KCNIP4: variants seen among roughly 807,000 people sequenced by gnomAD.
KCNIP4 encodes the protein Kv channel-interacting protein 4.
Under a neutral mutation model 34.0 loss-of-function variants are expected in KCNIP4, and 12 were observed. The ratio of observed to expected loss-of-function variants is 0.35; its 90% CI spans 0.23 to 0.57. KCNIP4 has a LOEUF of 0.57. KCNIP4 is among the 20% of genes least tolerant of loss of function. The probability of loss-of-function intolerance (pLI) is 0.83; values close to 1 mark genes in which losing one functional copy is unlikely to be tolerated. For synonymous variants in KCNIP4, 124 were observed against 102.2 expected (o/e 1.21, Z -1.29); for missense variants, 238 against 311.7 (o/e 0.76, Z 1.78).
intron 1 of KCNIP4, among the ~76,000 whole-genome samples, chr4:20,934,435 C>T (rs946651997): frequency 1.3e-5 from 2 of 152,036 alleles, no homozygotes; most frequent in Non-Finnish European, 2.9e-5. Context: ...GAATTTCTCC[C>T]CTCTCTTGAT....
chr4:21,327,899 C>G (rs1286296117), intron 1 of KCNIP4, among the ~76,000 whole-genome samples: 1 of 151,802 alleles, frequency 6.6e-6, no homozygotes, highest in African/African-American at 2.4e-5. Context: ...CTGCTTGATT[C>G]TAGTTAATTA....
At chr4:21,042,329 T>C (rs73245222) in intron 1 of KCNIP4, among the ~76,000 whole-genome samples, 6,653 of 152,320 alleles carry the variant, frequency 0.044, 222 homozygotes, top group East Asian at 0.14. Context: ...ATTTGGTCTA[T>C]ATACACAATG....
chr4:21,343,827 C>T (rs1274490919), intron 1 of KCNIP4, among the ~76,000 whole-genome samples: 1 of 152,100 alleles, frequency 6.6e-6, no homozygotes, highest in Admixed American at 6.6e-5. Context: ...CAGAGCCCTT[C>T]CTATGTGCCA....
intron 1 of KCNIP4, among the ~76,000 whole-genome samples, chr4:21,667,257 C>T (rs958744148): frequency 1.3e-4 from 20 of 152,160 alleles, no homozygotes; most frequent in African/African-American, 4.6e-4. Flanking sequence ...TCCAATTCTC[C>T]TTTTCCCATT....
At chr4:21,098,318 T>G (rs1004756860) in intron 1 of KCNIP4, among the ~76,000 whole-genome samples, 3 of 152,220 alleles carry the variant, frequency 2.0e-5, no homozygotes, top group African/African-American at 7.2e-5. Context: ...ATTTTCAAGG[T>G]AGACCAAATG....
intron 3 of KCNIP4, among the ~76,000 whole-genome samples, chr4:20,787,685 T>A (rs1175384283): frequency 1.3e-5 from 2 of 152,138 alleles, no homozygotes; most frequent in Non-Finnish European, 2.9e-5. Context: ...TTTAAATACA[T>A]TTTATTGATT....
At chr4:21,565,819 C>T (rs1444283700) in intron 1 of KCNIP4, among the ~76,000 whole-genome samples, 1 of 152,030 alleles carries the variant, frequency 6.6e-6, no homozygotes, top group African/African-American at 2.4e-5. Context: ...AAAGAGATTG[C>T]TGAAATATAA....
intron 1 of KCNIP4, among the ~76,000 whole-genome samples, chr4:21,575,984 G>C (rs1740717625): frequency 6.6e-6 from 1 of 152,152 alleles, no homozygotes; most frequent in African/African-American, 2.4e-5. Flanking sequence ...TTGGAAGAGA[G>C]CCATTCATTT....
chr4:21,529,086 C>T (rs1240993959), intron 1 of KCNIP4, among the ~76,000 whole-genome samples: 4 of 152,028 alleles, frequency 2.6e-5, no homozygotes, highest in Non-Finnish European at 5.9e-5. Context: ...TACAGTGCAG[C>T]AGCTATTTTT....
At chr4:21,435,681 A>C (rs1439910544) in intron 1 of KCNIP4, among the ~76,000 whole-genome samples, 1 of 152,234 alleles carries the variant, frequency 6.6e-6, no homozygotes, top group Admixed American at 6.5e-5. Flanking sequence ...GCTTTTAATA[A>C]AGGCACATTT....
At chr4:21,940,386 T>A (rs1186412929) in intron 1 of KCNIP4, among the ~76,000 whole-genome samples, 12 of 152,174 alleles carry the variant, frequency 7.9e-5, no homozygotes, top group African/African-American at 2.9e-4. Flanking sequence ...CTGGAAGTAA[T>A]TTTGCTTTTA....
At chr4:20,822,468 G>A (rs116612005) in intron 3 of KCNIP4, among the ~76,000 whole-genome samples, 33 of 152,318 alleles carry the variant, frequency 2.2e-4, no homozygotes, top group Non-Finnish European at 4.6e-4. Flanking sequence ...CTTTTACACA[G>A]CTGGTGGGAA....
chr4:21,350,731 T>C (rs750493608), intron 1 of KCNIP4, among the ~76,000 whole-genome samples: 16 of 152,148 alleles, frequency 1.1e-4, no homozygotes, highest in Non-Finnish European at 2.1e-4. Context: ...ACACCACCCA[T>C]CATCAACTGA....
chr4:21,127,502 C>T (rs1750722522), intron 1 of KCNIP4, among the ~76,000 whole-genome samples: 1 of 152,116 alleles, frequency 6.6e-6, no homozygotes, highest in African/African-American at 2.4e-5. Flanking sequence ...TCTGCACTTC[C>T]ATCTTACCTG....
intron 3 of KCNIP4, among the ~76,000 whole-genome samples, chr4:20,805,866 G>T (rs534929043): frequency 6.6e-6 from 1 of 152,152 alleles, no homozygotes; most frequent in South Asian, 2.1e-4. Flanking sequence ...AGGTTGGCTG[G>T]CTGCTCAAAA....
At chr4:21,898,385 C>T (rs182768649) in intron 1 of KCNIP4, among the ~76,000 whole-genome samples, 1 of 152,184 alleles carries the variant, frequency 6.6e-6, no homozygotes, top group African/African-American at 2.4e-5. Context: ...AGACTCCTTC[C>T]TTTTGCTTGA....
intron 1 of KCNIP4, among the ~76,000 whole-genome samples, chr4:21,701,105 A>C (rs1712800220): frequency 6.6e-6 from 1 of 152,182 alleles, no homozygotes; most frequent in Admixed American, 6.5e-5. Flanking sequence ...ATTTGTGATA[A>C]TATGGAAGAA....
chr4:21,665,939 G>A (rs939766624), intron 1 of KCNIP4, among the ~76,000 whole-genome samples: 1 of 152,088 alleles, frequency 6.6e-6, no homozygotes, highest in Non-Finnish European at 1.5e-5. Context: ...CCAGGAAGGT[G>A]GAAACTAACT....
chr4:21,283,804 AAAAT>A (rs946312783), intron 1 of KCNIP4, among the ~76,000 whole-genome samples: 19 of 151,872 alleles, frequency 1.3e-4, no homozygotes, highest in South Asian at 1.0e-3. Context: ...GTATAATAAT[AAAAT>A]AAATAAATAA....
Sources: gnomAD v4.1 joint callset for allele counts (sites outside exome capture counted in the v4.1 genomes callset) on GRCh38, gnomAD v4.1.1 for gene constraint, MANE v1.5 for transcripts, NCBI Gene and HGNC (gene_info 2026-07-23, HGNC 2026-07-21) for gene names.